Variants in NDST3 observed in about 807,000 individuals in gnomAD.
NDST3 encodes the protein bifunctional heparan sulfate N-deacetylase/N-sulfotransferase 3.
Under a neutral mutation model 96.1 loss-of-function variants are expected in NDST3, and 58 were observed. That is an observed-to-expected ratio of 0.60 (90% CI 0.49 to 0.75). NDST3 has a LOEUF of 0.75. Ranked by LOEUF, NDST3 falls within the 30% of genes least tolerant of loss-of-function variation. The pLI is 0.00. For synonymous variants in NDST3, 333 were observed against 359.7 expected (o/e 0.93, Z 0.84); for missense variants, 788 against 1,034.2 (o/e 0.76, Z 3.27).
Position 118,114,856 on chromosome 4 carries a change from G to A in NDST3, c.1120G>A (p.Glu374Lys). ...GDDCLLGSVD[E>K]FWWFPHMWSH... ...TGACTGTCTGTTGGGGTCTGTGGATGAGTTCTGGTGGTTTCCTCACATGTG... is the reference window on the plus strand; with the variant it reads ...TGACTGTCTGTTGGGGTCTGTGGATAAGTTCTGGTGGTTTCCTCACATGTG... The change falls in exon 4 of 14, where the codon GAG (glutamate) becomes AAG (lysine). Residue 374 changes from glutamate to lysine, a missense_variant. Glu to Lys is a moderately conservative substitution (Grantham distance 56). Coordinates refer to ENST00000296499, the MANE Select transcript of NDST3 (RefSeq NM_004784.3). 6.2e-7 allele frequency: 1 copy of A among 1,614,108 alleles called. No individual in the cohort carries two copies.
chr4:118,100,870 T>C (rs1367291455), intron 2 of NDST3, among the ~76,000 whole-genome samples: 1 of 152,062 alleles, frequency 6.6e-6, no homozygotes, highest in African/African-American at 2.4e-5. Flanking sequence ...CTGGAGGAGG[T>C]ATGAGTGCGT....
chr4:118,073,067 G>A lies in NDST3; in HGVS notation c.981+18176G>A, dbSNP rs113230045. Among the ~76,000 whole-genome samples the A allele has an allele frequency of 4.4e-3, 673 of 152,142 alleles. 8 individuals are homozygous for A. Among genetic ancestry groups the A allele is most frequent in the African/African-American group, 0.015 (625 of 41,536 alleles). ...ATATTGAACCAACCTTACATCCCAG[G>A]GATAAAACCCACTTGATTGTGATGG... On this transcript the variant is annotated intron_variant, in intron 2 of 13. Coordinates refer to ENST00000296499, the MANE Select transcript of NDST3 (RefSeq NM_004784.3).
chr4:118,190,162 TTAAC>T (rs1304186456), intron 6 of NDST3, among the ~76,000 whole-genome samples: 3 of 152,078 alleles, frequency 2.0e-5, no homozygotes. Flanking sequence ...AAACTCTAAT[TTAAC>T]TATTAGAACC....
chr4:118,236,532 A>T (rs1740657566), intron 9 of NDST3, among the ~76,000 whole-genome samples: 1 of 152,222 alleles, frequency 6.6e-6, no homozygotes, highest in Non-Finnish European at 1.5e-5. Context: ...TTTATACCAG[A>T]TATACTCTGC....
intron 1 of NDST3, among the ~76,000 whole-genome samples, chr4:118,042,816 C>G (rs373975954): frequency 6.6e-6 from 1 of 152,208 alleles, no homozygotes; most frequent in African/African-American, 2.4e-5. Flanking sequence ...CACTTTCAAG[C>G]ACCATGTCTC....
upstream of NDST3, among the ~76,000 whole-genome samples, chr4:118,033,436 G>C (rs534517652): frequency 6.6e-6 from 1 of 152,108 alleles, no homozygotes; most frequent in Non-Finnish European, 1.5e-5. Flanking sequence ...TGGCAGGCCG[G>C]GGCGGAACCC....
At chr4:118,154,003 T>C (rs1232260241) in intron 6 of NDST3, among the ~76,000 whole-genome samples, 1 of 152,180 alleles carries the variant, frequency 6.6e-6, no homozygotes, top group Non-Finnish European at 1.5e-5. Context: ...TATCTTCCTC[T>C]AATTTTTATA....
intron 6 of NDST3, among the ~76,000 whole-genome samples, chr4:118,173,646 C>G (rs745385246): frequency 5.3e-5 from 8 of 152,128 alleles, no homozygotes; most frequent in Non-Finnish European, 1.2e-4. Context: ...ATATACAACT[C>G]TATGTCATGC....
At chr4:118,169,225 T>A (rs1735762478) in intron 6 of NDST3, among the ~76,000 whole-genome samples, 1 of 152,184 alleles carries the variant, frequency 6.6e-6, no homozygotes, top group Non-Finnish European at 1.5e-5. Context: ...ACTGATATAT[T>A]CTATAAAACA....
intron 2 of NDST3, among the ~76,000 whole-genome samples, chr4:118,086,519 G>A (rs1052346375): frequency 6.6e-6 from 1 of 151,982 alleles, no homozygotes; most frequent in Non-Finnish European, 1.5e-5. Flanking sequence ...ATGTATATGA[G>A]TCACCTCCTG....
intron 8 of NDST3, among the ~76,000 whole-genome samples, chr4:118,229,161 C>G (rs563241757): frequency 6.6e-6 from 1 of 152,068 alleles, no homozygotes; most frequent in African/African-American, 2.4e-5. Context: ...ACTAGCCAGG[C>G]GTGGTGGCGT....
At chr4:118,033,473 C>A (rs921374026), upstream of NDST3, 4 of 152,208 alleles carry the variant, frequency 2.6e-5, no homozygotes, top group African/African-American at 9.6e-5. Flanking sequence ...GAGGCCCGGG[C>A]AGCCAGATCC....
intron 6 of NDST3, among the ~76,000 whole-genome samples, chr4:118,188,402 T>G (rs1476126314): frequency 6.6e-6 from 1 of 151,334 alleles, no homozygotes; most frequent in Admixed American, 6.6e-5. Context: ...AATGAAAACT[T>G]TAAAGACTCA....
In NDST3 at chr4:118,138,164, A is replaced by G. The variant is rs747610599; in HGVS notation, c.1335A>G (p.Lys445=). The G allele has an allele frequency of 4.3e-6, 7 of 1,613,920 alleles. No individual in the cohort carries two copies. Among genetic ancestry groups the G allele is most frequent in the Non-Finnish European group, 5.9e-6 (7 of 1,179,962 alleles). ...CCTGGAAGAAGGTCTGGAATATTAA[A>G]ATCACCAGCACTGAAGAATATCCAC... ...YEAWKKVWNI[K]ITSTEEYPHL... is the part of the protein sequence containing the mutation. Residue 445 remains lysine, a synonymous_variant, in exon 5 of 14, where the codon AAA becomes AAG. Coordinates refer to ENST00000296499, the MANE Select transcript of NDST3 (RefSeq NM_004784.3).
At chr4:118,132,970 C>A (rs532915182) in intron 4 of NDST3, among the ~76,000 whole-genome samples, 1 of 152,180 alleles carries the variant, frequency 6.6e-6, no homozygotes, top group Non-Finnish European at 1.5e-5. Flanking sequence ...TTGCTCTCCT[C>A]GCCTTAAACA....
intron 13 of NDST3, among the ~76,000 whole-genome samples, chr4:118,254,294 T>C (rs1214186424): frequency 6.6e-6 from 1 of 151,832 alleles, no homozygotes; most frequent in Admixed American, 6.6e-5. Context: ...TGAGTCATTC[T>C]GTTGTAGTAA....
intron 6 of NDST3, among the ~76,000 whole-genome samples, chr4:118,210,069 C>T (rs1345277008): frequency 6.6e-6 from 1 of 152,164 alleles, no homozygotes; most frequent in African/African-American, 2.4e-5. Context: ...CACCTACCCA[C>T]ACCCAGAATA....
At chr4:118,203,307 C>A (rs1007202302) in intron 6 of NDST3, among the ~76,000 whole-genome samples, 1 of 152,016 alleles carries the variant, frequency 6.6e-6, no homozygotes, top group African/African-American at 2.4e-5. Context: ...GATTTGGGTA[C>A]CAGGCTGATG....
chr4:118,224,744 T>G, intron 7 of NDST3, 71 bp downstream of exon 7: 1 of 1,362,378 alleles, frequency 7.3e-7, no homozygotes, highest in Non-Finnish European at 9.7e-7. Context: ...ATCCCAAATT[T>G]GAAAAGTGAA....
Sources: allele counts gnomAD v4.1 joint callset (sites outside exome capture counted in the v4.1 genomes callset), GRCh38; gene constraint gnomAD v4.1.1; transcripts MANE v1.5; gene names NCBI Gene and HGNC (gene_info 2026-07-23, HGNC 2026-07-21).